The following FBXO32 variants were observed in gnomAD, a reference collection of about 807,000 sequenced individuals.
The protein encoded by FBXO32 is F-box protein 32.
In FBXO32, 15 loss-of-function variants were observed where a neutral mutation model predicts 48.3. The observed-to-expected ratio is 0.31, with a 90% CI of 0.21 to 0.48. The LOEUF is 0.48. FBXO32 is among the 20% of genes least tolerant of loss of function. The pLI is 0.99. For synonymous variants in FBXO32, 154 were observed against 165.9 expected (o/e 0.93, Z 0.55); for missense variants, 309 against 432.7 (o/e 0.71, Z 2.54).
chr8:123,535,289 A>C (rs189082818), intron 1 of FBXO32, among the ~76,000 whole-genome samples: 1 of 152,322 alleles, frequency 6.6e-6, no homozygotes, highest in East Asian at 1.9e-4. Context: ...CACATACCAT[A>C]CAATTCATCC....
chr8:123,510,536 C>T (rs896397494), intron 6 of FBXO32, among the ~76,000 whole-genome samples: 5 of 152,124 alleles, frequency 3.3e-5, no homozygotes, highest in African/African-American at 1.2e-4. Flanking sequence ...TCACCTGAAC[C>T]CAGGAGGTGG....
rs1035847508 is a variant in FBXO32, at chr8:123,503,279, T to G, written c.*94A>C. ...TGAAGTTTCGAGCCAATGTTTAAAA[T>G]GTACACTATTTACAAATGAAGTGTC... On this transcript the variant is annotated 3_prime_UTR_variant, in exon 9 of 9. Transcript: ENST00000517956. 2.0e-6 allele frequency: 2 copies of G among 1,022,018 alleles called. No homozygotes were observed. Among genetic ancestry groups the G allele is most frequent in the Non-Finnish European group, 3.0e-6 (2 of 672,902 alleles). 63.3% of individuals were successfully genotyped at this position (1,022,018 alleles called of 1,614,324 possible).
At chr8:123,524,599 G>C (rs935833694) in intron 4 of FBXO32, among the ~76,000 whole-genome samples, 2 of 152,016 alleles carry the variant, frequency 1.3e-5, no homozygotes, top group Non-Finnish European at 2.9e-5. Flanking sequence ...ATGGTGGCAC[G>C]ATCTTGGCTC....
Position 123,503,454 on chromosome 8 carries a change from G to T in FBXO32, c.987C>A (p.Asp329Glu). The T allele has an allele frequency of 6.2e-7, 1 of 1,613,690 alleles. No individual in the cohort carries two copies. The highest frequency in any genetic ancestry group is 8.5e-7 in the Non-Finnish European group (1 of 1,179,636). The change falls in exon 9 of 9, where the codon GAC becomes GAA. Residue 329 changes from aspartate (D) to glutamate (E), a missense_variant. Coordinates refer to ENST00000517956, the MANE Select transcript of FBXO32 (RefSeq NM_058229.4). ...HCHILSWKGT[D>E]HPCTANNPES... is the part of the protein sequence containing the mutation. ...CTGGGTTATTGGCAGTGCACGGATG[G>T]TCAGTGCCCTGGAAAGGAACACATG...
At chr8:123,509,772 A>ATAAGG (rs879542279) in intron 6 of FBXO32, among the ~76,000 whole-genome samples, 56 of 152,178 alleles carry the variant, frequency 3.7e-4, no homozygotes, top group Non-Finnish European at 7.1e-4. Flanking sequence ...GGGTTCCAGT[A>ATAAGG]CAGCTCTCAA....
chr8:123,507,993 A>G (rs1816663136), intron 6 of FBXO32, among the ~76,000 whole-genome samples: 1 of 152,250 alleles, frequency 6.6e-6, no homozygotes, highest in African/African-American at 2.4e-5. Context: ...GAACAGCAAC[A>G]GGATGCTGCC....
rs1816783836 is a variant in FBXO32, at chr8:123,513,846, G to T, written c.466+394C>A. 6.6e-6 allele frequency among the ~76,000 whole-genome samples: 1 copy of T among 152,214 alleles called. No homozygotes were observed. Among genetic ancestry groups the T allele is most frequent in the African/African-American group, 2.4e-5 (1 of 41,466 alleles). ...GTTTCACCATGTGTACAATGAGTCA[G>T]TTGAACCAGAGACCTAAGGTTCCTT... On this transcript the variant is annotated intron_variant, in intron 5 of 8. Coordinates refer to ENST00000517956, the MANE Select transcript of FBXO32 (RefSeq NM_058229.4). The surrounding 1 kb of genome is among the most constrained non-coding windows in gnomAD (Gnocchi z 4.3).
At chr8:123,509,802 A>G (rs1477710998) in intron 6 of FBXO32, among the ~76,000 whole-genome samples, 1 of 152,226 alleles carries the variant, frequency 6.6e-6, no homozygotes, top group African/African-American at 2.4e-5. Flanking sequence ...GCTCAGAGCC[A>G]AGGAGGGTTG....
At position 123,500,425 on chromosome 8, in the gene FBXO32, TTC is replaced by T. The variant is rs1257092015; in HGVS notation, c.*2946_*2947del. The T allele has an allele frequency of 2.0e-5, 3 of 152,240 alleles. No homozygotes were observed. The highest frequency in any genetic ancestry group is 7.2e-5 in the African/African-American group (3 of 41,462). 9.4% of individuals were successfully genotyped at this position (152,240 alleles called of 1,614,324 possible). On this transcript the variant is annotated 3_prime_UTR_variant, in exon 9 of 9. Transcript: ENST00000517956. ...TAGGCACAGGAAAGAGAGTAGAGCA[TTC>T]TCTCTTTTCTAGCAATTTCCATTAT... is the stretch of plus-strand genomic sequence containing the variant.
intron 4 of FBXO32, among the ~76,000 whole-genome samples, chr8:123,523,693 A>G (rs905604524): frequency 3.3e-5 from 5 of 152,222 alleles, no homozygotes; most frequent in Admixed American, 6.5e-5. Flanking sequence ...ATCCTGAGTC[A>G]TTAAGAAAAA....
rs965348721 is a variant in FBXO32 at position 123,540,060 on chromosome 8, C to G, written c.116+839G>C. On this transcript the variant is annotated intron_variant, in intron 1 of 8. Coordinates refer to ENST00000517956, the MANE Select transcript of FBXO32 (RefSeq NM_058229.4). The surrounding 1 kb of genome is among the most constrained non-coding windows in gnomAD (Gnocchi z 6.4). Reference sequence around the variant, plus strand: ...AGGGAGCGCAGCGGACCTCAGGTTTCCCGCCAGACCACAGAGCTCAGGTGA... The same window carrying G: ...AGGGAGCGCAGCGGACCTCAGGTTTGCCGCCAGACCACAGAGCTCAGGTGA... Among the ~76,000 whole-genome samples, 1 of 152,224 alleles carries G rather than the reference C, an allele frequency of 6.6e-6. No homozygotes were observed. The highest frequency in any genetic ancestry group is 2.4e-5 in the African/African-American group (1 of 41,448).
chr8:123,505,042 T>C (rs1190063641), intron 7 of FBXO32, among the ~76,000 whole-genome samples: 3 of 152,236 alleles, frequency 2.0e-5, no homozygotes, highest in Admixed American at 6.5e-5. Flanking sequence ...CTTTAAAGTT[T>C]AGGTGATCTC....
intron 4 of FBXO32, chr8:123,527,107 G>A (rs1229642373): frequency 2.6e-5 from 4 of 152,210 alleles, no homozygotes; most frequent in Non-Finnish European, 2.9e-5. Context: ...ATTGAAAAAC[G>A]TACAAATCAT....
chr8:123,515,962 C>T (rs998636330), intron 4 of FBXO32, among the ~76,000 whole-genome samples: 1 of 152,002 alleles, frequency 6.6e-6, no homozygotes, highest in African/African-American at 2.4e-5. Flanking sequence ...ATTGAACTCT[C>T]GCCTGGGCAA....
intron 2 of FBXO32, 64 bp from the exon 3 acceptor site, chr8:123,533,304 C>A (rs1817246425): frequency 4.6e-6 from 6 of 1,304,890 alleles, no homozygotes; most frequent in Non-Finnish European, 6.6e-6. Flanking sequence ...TAAGACATTT[C>A]ATTTCATTTA....
In FBXO32 at chr8:123,499,505, G is replaced by A. The variant is rs1175293621; in HGVS notation, c.*3868C>T. 6.6e-6 allele frequency: 1 copy of A among 151,030 alleles called. No individual in the cohort carries two copies. Among genetic ancestry groups the A allele is most frequent in the Non-Finnish European group, 1.5e-5 (1 of 67,830 alleles). 9.4% of individuals were successfully genotyped at this position (151,030 alleles called of 1,614,324 possible). Reference sequence around the variant, plus strand: ...AAAAGATGTCAACATAGAAAATGATGATAGAGTTTAGTTAAAAAAATTCAC... The same window carrying A: ...AAAAGATGTCAACATAGAAAATGATAATAGAGTTTAGTTAAAAAAATTCAC... On this transcript the variant is annotated 3_prime_UTR_variant, in exon 9 of 9. Coordinates refer to ENST00000517956, the MANE Select transcript of FBXO32 (RefSeq NM_058229.4).
At chr8:123,512,850 C>T (rs77117296) in intron 6 of FBXO32, among the ~76,000 whole-genome samples, 1,859 of 152,264 alleles carry the variant, frequency 0.012, 22 homozygotes, top group Non-Finnish European at 0.018. Flanking sequence ...CCTAAGGCTG[C>T]AAACAACTCA....
chr8:123,522,278 G>C (rs1039480090), intron 4 of FBXO32, among the ~76,000 whole-genome samples: 1 of 147,924 alleles, frequency 6.8e-6, no homozygotes, highest in Non-Finnish European at 1.5e-5. Context: ...AGTGTGAGCT[G>C]GCTCACTGCA....
intron 4 of FBXO32, among the ~76,000 whole-genome samples, chr8:123,523,633 AC>A (rs201769114): frequency 9.4e-4 from 142 of 150,952 alleles, no homozygotes; most frequent in East Asian, 5.2e-3. Context: ...CAACAAACAA[AC>A]AAAAAAAAGA....
Sources: allele counts gnomAD v4.1 joint callset (sites outside exome capture counted in the v4.1 genomes callset), GRCh38; gene constraint gnomAD v4.1.1; non-coding constraint Gnocchi (gnomAD v3.1); transcripts MANE v1.5; gene names NCBI Gene and HGNC (gene_info 2026-07-23, HGNC 2026-07-21).